PPP2R2B: variants seen among roughly 807,000 people sequenced by gnomAD.
PPP2R2B encodes serine/threonine-protein phosphatase 2A 55 kDa regulatory subunit B beta isoform.
Under a neutral mutation model 46.0 loss-of-function variants are expected in PPP2R2B, and 5 were observed. The observed-to-expected ratio is 0.11, with a 90% CI of 0.06 to 0.23. The LOEUF is 0.23. Among genes scored for constraint, PPP2R2B ranks in the 10% least tolerant of loss-of-function variants. The probability of loss-of-function intolerance (pLI) is 1.00; values close to 1 mark genes in which losing one functional copy is unlikely to be tolerated. For synonymous variants in PPP2R2B, 215 were observed against 206.7 expected, an observed-to-expected ratio of 1.04 and a Z score of -0.34; for missense variants, 367 against 575.0, an observed-to-expected ratio of 0.64 and a Z score of 3.70.
intron 1 of PPP2R2B, among the ~76,000 whole-genome samples, chr5:146,961,030 C>T (rs1229475548): frequency 1.3e-5 from 2 of 152,286 alleles, no homozygotes; most frequent in South Asian, 4.1e-4. Context: ...CTTTTATCCT[C>T]TTATGAAAAC....
intron 7 of PPP2R2B, among the ~76,000 whole-genome samples, chr5:146,609,200 C>T (rs2151033185): frequency 6.6e-6 from 1 of 152,178 alleles, no homozygotes; most frequent in East Asian, 1.9e-4. Context: ...AGAAACGTAC[C>T]TTAAAATAAT....
At chr5:146,732,721 A>C (rs183793608) in intron 2 of PPP2R2B, among the ~76,000 whole-genome samples, 10 of 152,346 alleles carry the variant, frequency 6.6e-5, no homozygotes, top group Admixed American at 5.9e-4. Flanking sequence ...ATAGAAGAGG[A>C]ATACTACTAA....
chr5:146,971,338 C>T (rs1173004100), intron 1 of PPP2R2B, among the ~76,000 whole-genome samples: 3 of 152,158 alleles, frequency 2.0e-5, no homozygotes, highest in Non-Finnish European at 4.4e-5. Flanking sequence ...TTAATGCACA[C>T]ACAAGAAAAT....
Position 146,878,173 on chromosome 5 carries a change from T to C in PPP2R2B, c.-102A>G. The C allele has an allele frequency of 6.2e-7, 1 of 1,600,152 alleles. No individual in the cohort carries two copies. The highest frequency in any genetic ancestry group is 8.5e-7 in the Non-Finnish European group (1 of 1,172,860). Reference sequence around the variant, plus strand: ...CAGGAGAGGGGGGCAGGGGAGCCAGTGGGACTGCACCATGGTCCGAGCCTG... The same window carrying C: ...CAGGAGAGGGGGGCAGGGGAGCCAGCGGGACTGCACCATGGTCCGAGCCTG... On this transcript the variant is annotated 5_prime_UTR_variant, in exon 2 of 10. Coordinates refer to ENST00000394411, the MANE Select transcript of PPP2R2B (RefSeq NM_181675.4). This position sits in a 1 kb window ranked among gnomAD's most constrained non-coding sequence, Gnocchi z 4.5.
intron 1 of PPP2R2B, among the ~76,000 whole-genome samples, chr5:147,004,857 T>A (rs1561570577): frequency 6.6e-6 from 1 of 152,134 alleles, no homozygotes; most frequent in East Asian, 1.9e-4. Context: ...CCACAACCAG[T>A]GGCATACCTA....
At chr5:147,035,240 T>C in intron 1 of PPP2R2B, 1 of 414,520 alleles carries the variant, frequency 2.4e-6, no homozygotes, top group Non-Finnish European at 4.8e-6. Flanking sequence ...GCAAGGCACA[T>C]CTTACATGGT....
intron 7 of PPP2R2B, among the ~76,000 whole-genome samples, chr5:146,629,936 C>T (rs970523513): frequency 2.0e-5 from 3 of 152,178 alleles, no homozygotes; most frequent in Admixed American, 2.0e-4. Context: ...ACCTCAGCCT[C>T]CTGAGTAGCT....
chr5:146,921,371 A>T (rs1226186030), intron 1 of PPP2R2B, among the ~76,000 whole-genome samples: 1 of 152,156 alleles, frequency 6.6e-6, no homozygotes, highest in Admixed American at 6.5e-5. Context: ...TCAAGCAGCT[A>T]CTCCTTTTGC....
At chr5:147,018,732 A>G (rs1314173741) in intron 1 of PPP2R2B, among the ~76,000 whole-genome samples, 2 of 152,106 alleles carry the variant, frequency 1.3e-5, no homozygotes, top group African/African-American at 4.8e-5. Context: ...AGGGTTATGG[A>G]CTGAATTAGG....
intron 2 of PPP2R2B, among the ~76,000 whole-genome samples, chr5:146,774,804 A>G (rs1419067603): frequency 6.6e-6 from 1 of 150,844 alleles, no homozygotes; most frequent in Non-Finnish European, 1.5e-5. Flanking sequence ...GAGATAGAGC[A>G]AGACTCTGTC....
intron 7 of PPP2R2B, among the ~76,000 whole-genome samples, chr5:146,609,899 G>T (rs1772701587): frequency 1.4e-5 from 2 of 144,304 alleles, no homozygotes; most frequent in East Asian, 4.4e-4. Flanking sequence ...ACTGCAAGGT[G>T]GCAACGAGGC....
chr5:146,910,507 T>C (rs2151804984), intron 1 of PPP2R2B, among the ~76,000 whole-genome samples: 1 of 152,294 alleles, frequency 6.6e-6, no homozygotes, highest in East Asian at 1.9e-4. Flanking sequence ...GATTGTTGCT[T>C]CCTTTACTCT....
intron 2 of PPP2R2B, among the ~76,000 whole-genome samples, chr5:146,740,968 C>A (rs974037857): frequency 2.0e-5 from 3 of 149,868 alleles, no homozygotes; most frequent in African/African-American, 7.4e-5. Context: ...ACCCGGGAGG[C>A]GGAGGTGGCA....
intron 1 of PPP2R2B, among the ~76,000 whole-genome samples, chr5:146,939,505 A>G (rs909453686): frequency 3.3e-5 from 5 of 152,164 alleles, no homozygotes; most frequent in African/African-American, 1.2e-4. Context: ...CAAATTCACA[A>G]CTTTTGTTTT....
chr5:146,924,269 TCTGACACCC>T (rs1219793880), intron 1 of PPP2R2B, among the ~76,000 whole-genome samples: 1 of 152,248 alleles, frequency 6.6e-6, no homozygotes, highest in Non-Finnish European at 1.5e-5. Flanking sequence ...GATGTTCTTC[TCTGACACCC>T]CTGTGCTGTC....
intron 2 of PPP2R2B, among the ~76,000 whole-genome samples, chr5:146,774,189 AGAT>A: frequency 6.6e-6 from 1 of 152,354 alleles, no homozygotes; most frequent in African/African-American, 2.4e-5. Flanking sequence ...TGATAGGATA[AGAT>A]GATAATACCT....
chr5:146,791,745 C>G (rs1458108800), intron 2 of PPP2R2B, among the ~76,000 whole-genome samples: 1 of 152,110 alleles, frequency 6.6e-6, no homozygotes. Flanking sequence ...CTTATGCTAC[C>G]ATATTTAATT....
intron 1 of PPP2R2B, among the ~76,000 whole-genome samples, chr5:146,967,211 A>C (rs1752459552): frequency 6.6e-6 from 1 of 152,204 alleles, no homozygotes; most frequent in Non-Finnish European, 1.5e-5. Context: ...CTGGAAACCC[A>C]GGCCTGAGTT....
intron 2 of PPP2R2B, among the ~76,000 whole-genome samples, chr5:147,069,229 A>T (rs558526192): frequency 9.2e-5 from 14 of 152,318 alleles, no homozygotes; most frequent in Admixed American, 6.5e-4. Flanking sequence ...ACAGCATTTT[A>T]CTATGAGAGG....
Sources: gnomAD v4.1 joint callset for allele counts (sites outside exome capture counted in the v4.1 genomes callset) on GRCh38, gnomAD v4.1.1 for gene constraint, Gnocchi (gnomAD v3.1) non-coding constraint, MANE v1.5 for transcripts, NCBI Gene and HGNC (gene_info 2026-07-23, HGNC 2026-07-21) for gene names.